The following HECW1 variants were observed in gnomAD, a reference collection of about 807,000 sequenced individuals.
HECW1 encodes the protein E3 ubiquitin-protein ligase HECW1.
Under a neutral mutation model 182.3 loss-of-function variants are expected in HECW1, and 61 were observed. That is an observed-to-expected ratio of 0.33 (90% CI 0.27 to 0.41). The LOEUF (loss-of-function observed/expected upper bound fraction) is 0.41, where lower values mean the gene tolerates loss of function less well. Ranked by LOEUF, HECW1 falls within the 10% of genes least tolerant of loss-of-function variation. The pLI is 1.00. For synonymous variants in HECW1, 859 were observed against 832.6 expected (o/e 1.03, Z -0.55); for missense variants, 1,739 against 2,108.9 (o/e 0.82, Z 3.44).
chr7:43,384,570 G>C (rs2074692194), intron 6 of HECW1, among the ~76,000 whole-genome samples: 1 of 152,180 alleles, frequency 6.6e-6, no homozygotes, highest in South Asian at 2.1e-4. Context: ...CATATTTTTA[G>C]ATGGGAATAC....
At chr7:43,486,694 G>A (rs1385167020) in intron 17 of HECW1, among the ~76,000 whole-genome samples, 1 of 152,182 alleles carries the variant, frequency 6.6e-6, no homozygotes, top group East Asian at 1.9e-4. Flanking sequence ...TAAGCTTATG[G>A]GAACACCATT....
intron 26 of HECW1, 78 bp downstream of exon 26, chr7:43,542,076 T>A: frequency 8.0e-7 from 1 of 1,253,200 alleles, no homozygotes; most frequent in Non-Finnish European, 1.0e-6. Context: ...GTTATCATCT[T>A]AATCATTTTT....
intron 5 of HECW1, among the ~76,000 whole-genome samples, chr7:43,348,051 G>T (rs914406904): frequency 6.6e-6 from 1 of 152,052 alleles, no homozygotes; most frequent in Non-Finnish European, 1.5e-5. Flanking sequence ...ATTAGAGAGG[G>T]TTCCTTCTTT....
chr7:43,202,185 A>G (rs1232315397), intron 2 of HECW1, among the ~76,000 whole-genome samples: 1 of 152,218 alleles, frequency 6.6e-6, no homozygotes, highest in Non-Finnish European at 1.5e-5. Flanking sequence ...CTAGCTAGTC[A>G]GTGGCAGAGC....
chr7:43,278,582 G>A (rs1028764489), intron 3 of HECW1, among the ~76,000 whole-genome samples: 4 of 151,966 alleles, frequency 2.6e-5, no homozygotes, highest in Non-Finnish European at 5.9e-5. Flanking sequence ...CATGGCCTCC[G>A]AGGCTCTATG....
intron 3 of HECW1, among the ~76,000 whole-genome samples, chr7:43,277,288 C>A (rs147141850): frequency 1.1e-3 from 162 of 152,218 alleles, no homozygotes; most frequent in African/African-American, 3.6e-3. Flanking sequence ...TGCCACCTGC[C>A]GCCATGACGC....
At chr7:43,412,404 A>G (rs1193038497) in intron 8 of HECW1, among the ~76,000 whole-genome samples, 1 of 150,464 alleles carries the variant, frequency 6.6e-6, no homozygotes, top group African/African-American at 2.4e-5. Flanking sequence ...TACATTTCCT[A>G]TTTCTAATGC....
intron 2 of HECW1, among the ~76,000 whole-genome samples, chr7:43,127,563 T>C (rs1786414206): frequency 6.7e-6 from 1 of 148,916 alleles, no homozygotes; most frequent in African/African-American, 2.5e-5. Context: ...CAAACAGCCT[T>C]CTTGCTGATA....
At chr7:43,378,696 C>T (rs1562907972) in intron 6 of HECW1, among the ~76,000 whole-genome samples, 1 of 152,214 alleles carries the variant, frequency 6.6e-6, no homozygotes, top group African/African-American at 2.4e-5. Flanking sequence ...ATCCCAGCTA[C>T]TCAGGAGGCT....
intron 6 of HECW1, among the ~76,000 whole-genome samples, chr7:43,379,347 C>G (rs1167395563): frequency 6.6e-6 from 1 of 152,210 alleles, no homozygotes; most frequent in Non-Finnish European, 1.5e-5. Context: ...TGCACACACA[C>G]TCCCATGCTG....
chr7:43,424,652 TA>T (rs1248241906), intron 8 of HECW1, among the ~76,000 whole-genome samples: 8 of 151,890 alleles, frequency 5.3e-5, no homozygotes, highest in African/African-American at 1.5e-4. Flanking sequence ...AATAAATAAA[TA>T]AAATAAAACA....
chr7:43,286,682 C>T (rs113041729), intron 3 of HECW1, among the ~76,000 whole-genome samples: 10 of 152,084 alleles, frequency 6.6e-5, no homozygotes, highest in East Asian at 3.9e-4. Flanking sequence ...ACCCACCCCC[C>T]CAAAGGTGTT....
intron 4 of HECW1, among the ~76,000 whole-genome samples, chr7:43,319,066 C>T (rs1482635354): frequency 2.0e-5 from 3 of 152,216 alleles, no homozygotes; most frequent in Non-Finnish European, 4.4e-5. Flanking sequence ...CTCAAGAATG[C>T]CGCATTTCTC....
At chr7:43,407,778 G>A (rs779910177) in intron 8 of HECW1, 47 bp downstream of exon 8, 2 of 1,545,804 alleles carry the variant, frequency 1.3e-6, no homozygotes, top group Non-Finnish European at 1.8e-6. Context: ...AAGTGAAAGG[G>A]CTGACTGTGA....
At chr7:43,208,109 A>G (rs1795654592) in intron 2 of HECW1, among the ~76,000 whole-genome samples, 1 of 152,204 alleles carries the variant, frequency 6.6e-6, no homozygotes, top group African/African-American at 2.4e-5. Context: ...CTGTTAACAG[A>G]TAATGGACAT....
rs375869980 is a variant in HECW1 at position 43,528,653 on chromosome 7, G to A, written c.4020-12510G>A. Among the ~76,000 whole-genome samples the A allele has an allele frequency of 6.6e-5, 10 of 152,236 alleles. No individual in the cohort carries two copies. In the East Asian group the frequency reaches 9.7e-4, roughly 15 times the overall value. ...GCTTTCTCTAAAAGAGAGGCACACC[G>A]CACACTTGGCCCACCACGTTGAGGG... On this transcript the variant is annotated intron_variant, in intron 24 of 29. Transcript: ENST00000395891.
intron 28 of HECW1, among the ~76,000 whole-genome samples, chr7:43,553,992 A>C (rs1394575788): frequency 6.6e-6 from 1 of 152,176 alleles, no homozygotes; most frequent in African/African-American, 2.4e-5. Context: ...CGTTTAATTG[A>C]TATATCCAAG....
chr7:43,162,584 T>G (rs1210366898), intron 2 of HECW1, among the ~76,000 whole-genome samples: 1 of 152,254 alleles, frequency 6.6e-6, no homozygotes, highest in African/African-American at 2.4e-5. Context: ...TTTTCCCAGA[T>G]AAGGTCATAT....
chr7:43,470,388 A>T (rs1228393977), intron 16 of HECW1, among the ~76,000 whole-genome samples: 1 of 152,236 alleles, frequency 6.6e-6, no homozygotes. Flanking sequence ...CAATGTGAAC[A>T]GTTTGCCGAG....
Sources: gnomAD v4.1 joint callset for allele counts (sites outside exome capture counted in the v4.1 genomes callset) on GRCh38, gnomAD v4.1.1 for gene constraint, MANE v1.5 for transcripts, NCBI Gene and HGNC (gene_info 2026-07-23, HGNC 2026-07-21) for gene names.